The following XCR1 variants were observed in gnomAD, a reference collection of about 807,000 sequenced individuals.
The protein encoded by XCR1 is X-C motif chemokine receptor 1, also known as chemokine XC receptor 1.
For synonymous variants in XCR1, 187 were observed against 188.5 expected (o/e 0.99, Z 0.06); for missense variants, 356 against 424.2 (o/e 0.84, Z 1.41).
upstream of XCR1, among the ~76,000 whole-genome samples, chr3:46,031,367 C>G (rs977900738): frequency 2.6e-5 from 4 of 152,238 alleles, no homozygotes; most frequent in Admixed American, 2.6e-4. Flanking sequence ...CTGCTCTGAT[C>G]TTGGAGTAAG....
chr3:46,078,817 G>GTTTGCAGAGTCTCTGCAGAC (rs1698306283), intron 1 of XCR1, among the ~76,000 whole-genome samples: 1 of 152,234 alleles, frequency 6.6e-6, no homozygotes, highest in Non-Finnish European at 1.5e-5. Flanking sequence ...ACTTTGCAGA[G>GTTTGCAGAGTCTCTGCAGAC]TTTGCAGAGT....
At chr3:46,072,891 C>T (rs1461990352) in intron 3 of XCR1, among the ~76,000 whole-genome samples, 1 of 152,066 alleles carries the variant, frequency 6.6e-6, no homozygotes, top group Non-Finnish European at 1.5e-5. Flanking sequence ...CTATAGTAAC[C>T]AAAACAGCAT....
chr3:46,056,574 A>T (rs1697856080), intron 4 of XCR1, among the ~76,000 whole-genome samples: 1 of 152,124 alleles, frequency 6.6e-6, no homozygotes, highest in South Asian at 2.1e-4. Flanking sequence ...CCTGGACTCA[A>T]GCAATTCTCC....
At chr3:46,030,015 T>C (rs1366815272), upstream of XCR1, among the ~76,000 whole-genome samples, 2 of 152,156 alleles carry the variant, frequency 1.3e-5, no homozygotes, top group Non-Finnish European at 2.9e-5. Context: ...TCTTGTACCT[T>C]GAGCTTATTT....
At chr3:46,056,309 T>C (rs9818635) in intron 4 of XCR1, among the ~76,000 whole-genome samples, 48,670 of 152,028 alleles carry the variant, frequency 0.32, 9,993 homozygotes, top group African/African-American at 0.59. Context: ...TCCCTAAGTG[T>C]TGGGATTACA....
chr3:46,037,395 AAG>A (rs1475297238), intron 5 of XCR1, among the ~76,000 whole-genome samples: 1 of 152,138 alleles, frequency 6.6e-6, no homozygotes, highest in Non-Finnish European at 1.5e-5. Flanking sequence ...TTATAAAGAA[AAG>A]AGAAAAATAT....
At chr3:46,059,407 G>A (rs1697919605) in intron 4 of XCR1, among the ~76,000 whole-genome samples, 1 of 152,142 alleles carries the variant, frequency 6.6e-6, no homozygotes, top group Non-Finnish European at 1.5e-5. Context: ...CATTGCACTT[G>A]GTTGTTCATT....
chr3:46,060,928 A>G (rs1203043813), intron 4 of XCR1, among the ~76,000 whole-genome samples: 1 of 152,230 alleles, frequency 6.6e-6, no homozygotes, highest in Non-Finnish European at 1.5e-5. Context: ...AGTCCAGTAA[A>G]TTGAATAGGC....
chr3:46,044,171 T>C (rs1330167352), intron 5 of XCR1, among the ~76,000 whole-genome samples: 1 of 152,118 alleles, frequency 6.6e-6, no homozygotes, highest in Non-Finnish European at 1.5e-5. Flanking sequence ...AATTTTTGTA[T>C]TTTTAGTAGA....
rs377519646 is a variant in XCR1 at position 46,020,934 on chromosome 3, G to A, written c.*12C>T. The A allele has an allele frequency of 6.2e-6, 10 of 1,607,190 alleles. No homozygotes were observed. In the East Asian group the frequency reaches 1.1e-4, roughly 18 times the overall value. ...GTCCACCTGCACCTGCGCCTGCACCGCCACAGGCCCCTCAGTAGAAGGAGG... is the reference window on the plus strand; with the variant it reads ...GTCCACCTGCACCTGCGCCTGCACCACCACAGGCCCCTCAGTAGAAGGAGG... On this transcript the variant is annotated 3_prime_UTR_variant, in exon 2 of 2. Coordinates refer to ENST00000309285, the MANE Select transcript of XCR1 (RefSeq NM_001024644.2).
At chr3:46,061,612 G>A (rs1470943643) in intron 4 of XCR1, among the ~76,000 whole-genome samples, 1 of 152,188 alleles carries the variant, frequency 6.6e-6, no homozygotes, top group Non-Finnish European at 1.5e-5. Context: ...TTGGGCTGAA[G>A]CATGGCTTCC....
intron 1 of XCR1, among the ~76,000 whole-genome samples, chr3:46,081,300 G>T (rs900705600): frequency 6.6e-6 from 1 of 152,110 alleles, no homozygotes; most frequent in Non-Finnish European, 1.5e-5. Context: ...CCTGGCCAAA[G>T]GCTGTCTCAT....
intron 1 of XCR1, among the ~76,000 whole-genome samples, chr3:46,084,177 T>C (rs1238948126): frequency 6.6e-6 from 1 of 152,208 alleles, no homozygotes; most frequent in African/African-American, 2.4e-5. Flanking sequence ...TTAAAATTCC[T>C]CACTGAGATG....
intron 5 of XCR1, among the ~76,000 whole-genome samples, chr3:46,040,019 T>A (rs1697510221): frequency 6.6e-6 from 1 of 152,230 alleles, no homozygotes; most frequent in Non-Finnish European, 1.5e-5. Context: ...TAAAGTTAGC[T>A]TTAACGTTAA....
chr3:46,079,009 ACAACGTAAGAGAG>A (rs1698310263), intron 1 of XCR1, among the ~76,000 whole-genome samples: 1 of 152,222 alleles, frequency 6.6e-6, no homozygotes, highest in Non-Finnish European at 1.5e-5. Context: ...GCATTCTGAG[ACAACGTAAGAGAG>A]CAACTCATGA....
chr3:46,023,430 G>A, intron 1 of XCR1: 1 of 1,484,270 alleles, frequency 6.7e-7, no homozygotes, highest in Non-Finnish European at 9.4e-7. Context: ...CTGAAGCCAT[G>A]AAGCTGACAC....
chr3:46,061,732 A>G (rs1697966521), intron 4 of XCR1, among the ~76,000 whole-genome samples: 1 of 152,110 alleles, frequency 6.6e-6, no homozygotes, highest in African/African-American at 2.4e-5. Flanking sequence ...TTAGAGGTAC[A>G]GAGGATGGGG....
At chr3:46,075,799 A>G (rs1260587777) in intron 2 of XCR1, among the ~76,000 whole-genome samples, 1 of 152,244 alleles carries the variant, frequency 6.6e-6, no homozygotes, top group African/African-American at 2.4e-5. Flanking sequence ...ATGAAAATAT[A>G]TTCAATGTCA....
chr3:46,042,889 A>G (rs1205442875), intron 5 of XCR1, among the ~76,000 whole-genome samples: 3 of 152,238 alleles, frequency 2.0e-5, no homozygotes, highest in Non-Finnish European at 4.4e-5. Flanking sequence ...GAAGTCCAAT[A>G]TCCTTCATGA....
Sources: allele counts gnomAD v4.1 joint callset (sites outside exome capture counted in the v4.1 genomes callset), GRCh38; gene constraint gnomAD v4.1.1; transcripts MANE v1.5; gene names NCBI Gene and HGNC (gene_info 2026-07-23, HGNC 2026-07-21).